The following ZNF75A variants were observed in gnomAD, a reference collection of about 807,000 sequenced individuals.
The protein encoded by ZNF75A is zinc finger protein 75A.
Under a neutral mutation model 46.3 loss-of-function variants are expected in ZNF75A, and 36 were observed. The observed-to-expected ratio is 0.78, with a 90% CI of 0.60 to 1.03. The LOEUF (loss-of-function observed/expected upper bound fraction) is 1.03, where lower values mean the gene tolerates loss of function less well. Among genes scored for constraint, ZNF75A ranks in the 50% least tolerant of loss-of-function variants. ZNF75A has a pLI of 0.00. For synonymous variants in ZNF75A, 234 were observed against 189.9 expected (o/e 1.23, Z -1.91); for missense variants, 595 against 551.3 (o/e 1.08, Z -0.79).
In ZNF75A at chr16:3,315,410, T is replaced by C. The variant is rs142769667; in HGVS notation, c.824-1502T>C. 8.5e-5 allele frequency among the ~76,000 whole-genome samples: 13 copies of C among 152,174 alleles called. No homozygotes were observed. In the East Asian group the frequency reaches 2.3e-3, roughly 27 times the overall value. ...TAGGGTTTCATCATGTTAACCAGGA[T>C]GGTCTCCATCTCCTGACCTTGTGAT... On this transcript the variant is annotated intron_variant, in intron 5 of 6. Transcript: ENST00000669516.
chr16:3,310,944 G>T (rs1042547135), intron 2 of ZNF75A: 5 of 985,314 alleles, frequency 5.1e-6, no homozygotes, highest in African/African-American at 1.7e-5. Flanking sequence ...GAATCATCTG[G>T]AGGTAGGTTG....
At chr16:3,321,263 A>G (rs2029928128), downstream of ZNF75A, among the ~76,000 whole-genome samples, 1 of 152,220 alleles carries the variant, frequency 6.6e-6, no homozygotes, top group Non-Finnish European at 1.5e-5. Flanking sequence ...TCCTCCATAA[A>G]CCGGCAGATG....
chr16:3,317,107 T>A (rs1233489662), intron 6 of ZNF75A, 83 bp from the exon 7 acceptor site: 29 of 1,540,294 alleles, frequency 1.9e-5, no homozygotes, highest in Non-Finnish European at 2.3e-5. Context: ...GTTCCTTTTT[T>A]TTTTAATCAT....
At position 3,318,479 on chromosome 16, in the gene ZNF75A, C is replaced by G; in HGVS notation, c.*610C>G. ...GATGTTTGGAAAATAGAAGACATCTCTAATGGAATCATGGGGGAAACGGGT... is the reference window on the plus strand; with the variant it reads ...GATGTTTGGAAAATAGAAGACATCTGTAATGGAATCATGGGGGAAACGGGT... On this transcript the variant is annotated 3_prime_UTR_variant, in exon 7 of 7. Transcript: ENST00000669516. The G allele has an allele frequency of 3.0e-6, 3 of 985,374 alleles. No individual in the cohort carries two copies. The highest frequency in any genetic ancestry group is 3.6e-6 in the Non-Finnish European group (3 of 829,942). The allele number at this position is 985,374 out of a possible 1,614,324, so 61.0% of individuals were successfully genotyped here.
rs1960725149 is a variant in ZNF75A at position 3,310,916 on chromosome 16, G to A, written c.409-837G>A. 4.1e-6 allele frequency: 4 copies of A among 985,396 alleles called. No individual in the cohort carries two copies. In the South Asian group the frequency reaches 1.9e-4, roughly 46 times the overall value. 61.0% of individuals were successfully genotyped at this position (985,396 alleles called of 1,614,324 possible). A position where few individuals can be genotyped will look rare whatever the true frequency, so the allele number is the denominator to read the frequency against. ...GTCTGCTGGGAAGAATACAGGGCAG[G>A]ACCTATGTTTGGTGTCAGAATCATC... On this transcript the variant is annotated intron_variant, in intron 2 of 6. Transcript: ENST00000669516.
intron 5 of ZNF75A, chr16:3,315,229 T>C (rs2150823174): frequency 2.9e-6 from 1 of 350,244 alleles, no homozygotes; most frequent in Admixed American, 6.6e-5. Flanking sequence ...CCTCGCTCTG[T>C]CGCCCAGGCT....
In ZNF75A at chr16:3,316,276, T is replaced by G. The variant is rs528040890; in HGVS notation, c.824-636T>G. Reference sequence around the variant, plus strand: ...GCAGTGCCTAACACACCATAGCCACTCAATACATGTTTGTTGAATGAATGA... The same window carrying G: ...GCAGTGCCTAACACACCATAGCCACGCAATACATGTTTGTTGAATGAATGA... On this transcript the variant is annotated intron_variant, in intron 5 of 6. Coordinates refer to ENST00000669516, the MANE Select transcript of ZNF75A (RefSeq NM_001302109.2). The G allele has an allele frequency of 3.3e-5, 5 of 152,326 alleles. No homozygotes were observed. The South Asian group carries it at 1.0e-3, about 32-fold the overall frequency. The allele number at this position is 152,326 out of a possible 1,614,324, so 9.4% of individuals were successfully genotyped here. A position where few individuals can be genotyped will look rare whatever the true frequency, so the allele number is the denominator to read the frequency against.
rs1053792689 is a variant in ZNF75A, at chr16:3,311,885, G to C, written c.541G>C (p.Glu181Gln). Residue 181 changes from glutamate (E) to glutamine (Q), a missense_variant, in exon 3 of 7, where the codon GAG becomes CAG. Transcript: ENST00000669516. ...SQDEEFWNTY[E>Q]GLQEQLSRNT... Reference sequence around the variant, plus strand: ...AGATGAAGAATTTTGGAATACATACGAGGGTCTGCAAGAACAGCTCAGCAG... The same window carrying C: ...AGATGAAGAATTTTGGAATACATACCAGGGTCTGCAAGAACAGCTCAGCAG... 2 of 1,004,772 alleles carry C rather than the reference G, an allele frequency of 2.0e-6. No individual in the cohort carries two copies. Among genetic ancestry groups the C allele is most frequent in the African/African-American group, 3.5e-5 (2 of 57,832 alleles). 62.2% of individuals were successfully genotyped at this position (1,004,772 alleles called of 1,614,324 possible).
intron 1 of ZNF75A, chr16:3,306,185 A>G (rs1469467189): frequency 6.6e-6 from 1 of 152,156 alleles, no homozygotes; most frequent in Non-Finnish European, 1.5e-5. Context: ...AGTGAGGCTC[A>G]CGGCTCTCCT....
chr16:3,310,383 G>C (rs1333174388), intron 2 of ZNF75A, among the ~76,000 whole-genome samples: 1 of 151,292 alleles, frequency 6.6e-6, no homozygotes, highest in Non-Finnish European at 1.5e-5. Flanking sequence ...AACTGAGCGA[G>C]ACTCCATGTG....
At chr16:3,310,293 C>T (rs906183698) in intron 2 of ZNF75A, among the ~76,000 whole-genome samples, 1 of 151,912 alleles carries the variant, frequency 6.6e-6, no homozygotes, top group Non-Finnish European at 1.5e-5. Flanking sequence ...ACTCAGAAGG[C>T]TGAGGCAGGA....
At chr16:3,310,509 C>A (rs1488325030) in intron 2 of ZNF75A, 1 of 209,642 alleles carries the variant, frequency 4.8e-6, no homozygotes, top group African/African-American at 2.4e-5. Flanking sequence ...CCTGTAGTCC[C>A]AGCCACTCGG....
At position 3,318,226 on chromosome 16, in the gene ZNF75A, G is replaced by T; in HGVS notation, c.*357G>T. The stretch of plus-strand genomic sequence containing the variant: ...CCAATTTCCATAGTCTCATGAGGCC[G>T]AAATGAATTACAATGTAAAGTGTTC... On this transcript the variant is annotated 3_prime_UTR_variant, in exon 7 of 7. Transcript: ENST00000669516. 9.9e-7 allele frequency: 1 copy of T among 1,009,224 alleles called. No homozygotes were observed. Among genetic ancestry groups the T allele is most frequent in the Non-Finnish European group, 1.2e-6 (1 of 846,088 alleles). 62.5% of individuals were successfully genotyped at this position (1,009,224 alleles called of 1,614,324 possible).
chr16:3,319,403 C>T (rs111252204), downstream of ZNF75A, among the ~76,000 whole-genome samples: 537 of 152,324 alleles, frequency 3.5e-3, 3 homozygotes, highest in African/African-American at 0.012. Flanking sequence ...GCATGAGCCA[C>T]TGTGCCCAGC....
At chr16:3,319,077 C>T (rs1963299), downstream of ZNF75A, among the ~76,000 whole-genome samples, 6,300 of 152,154 alleles carry the variant, frequency 0.041, 445 homozygotes, top group African/African-American at 0.14. Context: ...TTAGGTATAT[C>T]AGGAAAGGGG....
chr16:3,306,283 G>A (rs1960227863), intron 1 of ZNF75A: 1 of 151,896 alleles, frequency 6.6e-6, no homozygotes, highest in African/African-American at 2.4e-5. Context: ...TCCTGTTGGA[G>A]TTGATATTTC....
chr16:3,309,688 G>A (rs1180679762), intron 2 of ZNF75A, among the ~76,000 whole-genome samples: 1 of 151,298 alleles, frequency 6.6e-6, no homozygotes, highest in African/African-American at 2.4e-5. Context: ...CCCAGGAGGT[G>A]GAGGTTGCAG....
Position 3,318,304 on chromosome 16 carries a change from T to C in ZNF75A, c.*435T>C, listed in dbSNP as rs1258195526. 1 of 990,186 alleles carries C rather than the reference T, an allele frequency of 1.0e-6. No individual in the cohort carries two copies. The highest frequency in any genetic ancestry group is 1.7e-5 in the African/African-American group (1 of 57,300). 61.3% of individuals were successfully genotyped at this position (990,186 alleles called of 1,614,324 possible). A position where few individuals can be genotyped will look rare whatever the true frequency, so the allele number is the denominator to read the frequency against. ...TTGTCATTGGACACGGTTTGCAAAG[T>C]TGGACATCACTTGAGTTCCTTCTTA... On this transcript the variant is annotated 3_prime_UTR_variant, in exon 7 of 7. Coordinates refer to ENST00000669516, the MANE Select transcript of ZNF75A (RefSeq NM_001302109.2).
At chr16:3,314,998 G>T in intron 5 of ZNF75A, 1 of 985,078 alleles carries the variant, frequency 1.0e-6, no homozygotes, top group Non-Finnish European at 1.2e-6. Context: ...ATAGTGTAGC[G>T]GAGGGTGTAG....
Sources: gnomAD v4.1 joint callset for allele counts (sites outside exome capture counted in the v4.1 genomes callset) on GRCh38, gnomAD v4.1.1 for gene constraint, MANE v1.5 for transcripts, NCBI Gene and HGNC (gene_info 2026-07-23, HGNC 2026-07-21) for gene names.